TRPC4AP: variants seen among roughly 807,000 people sequenced by gnomAD.
The protein encoded by TRPC4AP is short transient receptor potential channel 4-associated protein.
In TRPC4AP, 45 loss-of-function variants were observed where a neutral mutation model predicts 99.0. That is an observed-to-expected ratio of 0.45 (90% CI 0.36 to 0.58). The LOEUF (loss-of-function observed/expected upper bound fraction) is 0.58. TRPC4AP is among the 20% of genes least tolerant of loss of function. TRPC4AP has a pLI of 0.00. For synonymous variants in TRPC4AP, 408 were observed against 385.8 expected (o/e 1.06, Z -0.67); for missense variants, 879 against 985.3 (o/e 0.89, Z 1.44).
intron 7 of TRPC4AP, 92 bp from the exon 8 acceptor site, chr20:35,035,400 T>A: frequency 7.7e-7 from 1 of 1,292,018 alleles, no homozygotes; most frequent in Non-Finnish European, 1.1e-6. Context: ...ATGATAGGAA[T>A]AATTCTTACT....
At chr20:35,068,971 ACAC>A (rs1400121317) in intron 3 of TRPC4AP, among the ~76,000 whole-genome samples, 9 of 64,642 alleles carry the variant, frequency 1.4e-4, no homozygotes, top group Admixed American at 4.1e-4. Context: ...ACACACACAC[ACAC>A]ACACAAAAAA....
chr20:35,041,658 T>C (rs1179066933), intron 7 of TRPC4AP, among the ~76,000 whole-genome samples: 2 of 152,254 alleles, frequency 1.3e-5, no homozygotes, highest in Non-Finnish European at 2.9e-5. Context: ...ATGCTGGTTT[T>C]ACTTAAGTCA....
At chr20:35,018,909 C>T (rs893703347) in intron 9 of TRPC4AP, among the ~76,000 whole-genome samples, 1 of 152,038 alleles carries the variant, frequency 6.6e-6, no homozygotes, top group African/African-American at 2.4e-5. Context: ...CGATGGGGGA[C>T]GATGGAGCTG....
intron 8 of TRPC4AP, among the ~76,000 whole-genome samples, chr20:35,030,859 A>C (rs1403875138): frequency 6.6e-6 from 1 of 150,780 alleles, no homozygotes; most frequent in Non-Finnish European, 1.5e-5. Context: ...CCTTTACTTA[A>C]GGTGCTCTTT....
chr20:35,078,728 T>C (rs1735421879), intron 1 of TRPC4AP, among the ~76,000 whole-genome samples: 2 of 152,188 alleles, frequency 1.3e-5, no homozygotes, highest in South Asian at 4.1e-4. Flanking sequence ...AACAATATGC[T>C]GTCTACAAGA....
At position 35,024,852 on chromosome 20, in the gene TRPC4AP, A is replaced by AAAAC. The variant is rs2082988293; in HGVS notation, c.1052-3497_1052-3496insGTTT. Among the ~76,000 whole-genome samples the AAAAC allele has an allele frequency of 5.7e-5, 4 of 70,226 alleles. 1 individual carries two copies. The highest frequency in any genetic ancestry group is 1.9e-4 in the African/African-American group (4 of 21,162). The allele number at this position is 70,226 out of a possible 152,430, so 46.1% of individuals were successfully genotyped here. A position where few individuals can be genotyped will look rare whatever the true frequency, so the allele number is the denominator to read the frequency against. ...AAAAAAAAAAAAAAAAAAAAAAAAA[A>AAAAC]AAATTCTGTTTATTCATTAATCAGG... On this transcript the variant is annotated intron_variant, in intron 8 of 18. Coordinates refer to ENST00000252015, the MANE Select transcript of TRPC4AP (RefSeq NM_015638.3).
chr20:35,014,457 G>A (rs571415094), intron 10 of TRPC4AP, among the ~76,000 whole-genome samples: 2 of 151,120 alleles, frequency 1.3e-5, no homozygotes, highest in South Asian at 2.1e-4. Context: ...TACAAAACAC[G>A]AGGCAACACT....
At chr20:35,075,151 G>A (rs1054345243) in intron 2 of TRPC4AP, among the ~76,000 whole-genome samples, 1 of 151,642 alleles carries the variant, frequency 6.6e-6, no homozygotes, top group Non-Finnish European at 1.5e-5. Context: ...GCCTATGTGT[G>A]TCTCTGCATG....
At position 35,003,092 on chromosome 20, in the gene TRPC4AP, C is replaced by T. The variant is rs554330546; in HGVS notation, c.*54G>A. ...GGGAACAGGGCAGGGCGTGTGGCAT[C>T]GTACCCACGCTCACCCACACTGGCC... On this transcript the variant is annotated 3_prime_UTR_variant, in exon 19 of 19. Transcript: ENST00000252015. The T allele has an allele frequency of 7.1e-5, 114 of 1,605,550 alleles. No individual in the cohort carries two copies. Among genetic ancestry groups the T allele is most frequent in the Non-Finnish European group, 9.4e-5 (110 of 1,175,478 alleles).
At chr20:35,035,097 C>CT in intron 8 of TRPC4AP, 26 bp downstream of exon 8, 1 of 1,583,142 alleles carries the variant, frequency 6.3e-7, no homozygotes, top group Non-Finnish European at 8.6e-7. Context: ...AGCTCCCGAT[C>CT]ACTCAGGGGA....
Position 35,003,476 on chromosome 20 carries a change from G to A in TRPC4AP, c.2190C>T (p.His730=), listed in dbSNP as rs1432969038. The A allele has an allele frequency of 2.5e-6, 4 of 1,614,144 alleles. No individual in the cohort carries two copies. Among genetic ancestry groups the A allele is most frequent in the Non-Finnish European group, 3.4e-6 (4 of 1,180,036 alleles). Residue 730 remains histidine, a synonymous_variant, in exon 18 of 19, where the codon CAC becomes CAT. Transcript: ENST00000252015. ...KYPGFLLNNF[H]NLLRFWQQHY... ...GCTGCTGCCAGAAGCGCAGCAGGTT[G>A]TGGAAGTTGTTGAGCAGGAAGCCGG...
At chr20:35,075,600 G>A (rs541170109) in intron 2 of TRPC4AP, among the ~76,000 whole-genome samples, 1 of 152,270 alleles carries the variant, frequency 6.6e-6, no homozygotes, top group South Asian at 2.1e-4. Flanking sequence ...CTCTCTTCTG[G>A]CTTGTAGAGT....
In TRPC4AP at chr20:35,006,756, C is replaced by T. The variant is rs573873959; in HGVS notation, c.1687-181G>A. 3.3e-5 allele frequency among the ~76,000 whole-genome samples: 5 copies of T among 152,354 alleles called. No individual in the cohort carries two copies. The South Asian group carries it at 1.0e-3, about 32-fold the overall frequency. On this transcript the variant is annotated intron_variant, in intron 14 of 18. Transcript: ENST00000252015. ...GGACAGGACCAGGCCTGACAGACCT[C>T]ACCAGGAGGTGGAGCAGACTGGGAA...
chr20:35,059,697 AAAGAAGAAGAAAT>A (rs2083931477), intron 3 of TRPC4AP, among the ~76,000 whole-genome samples: 1 of 145,220 alleles, frequency 6.9e-6, no homozygotes, highest in Non-Finnish European at 1.5e-5. Flanking sequence ...GAAGAAGAAG[AAAGAAGAAGAAAT>A]AAGAAGAAGA....
chr20:35,016,286 T>C (rs1364879925), intron 9 of TRPC4AP, 147 bp from the exon 10 acceptor site: 1 of 909,932 alleles, frequency 1.1e-6, no homozygotes, highest in Admixed American at 2.3e-5. Context: ...AAAACATCCG[T>C]GTATCCCCTA....
chr20:35,035,115 T>C lies in TRPC4AP; in HGVS notation c.1051+8A>G, dbSNP rs1173140683. ...TCCCGATCACTCAGGGGACCCATCC[T>C]TCCATACCTTGATTGTGCTCTGACT... On this transcript the variant is annotated splice_region_variant and intron_variant, in intron 8 of 18. Transcript: ENST00000252015. 2 of 1,611,760 alleles carry C rather than the reference T, an allele frequency of 1.2e-6. No homozygotes were observed. Among genetic ancestry groups the C allele is most frequent in the African/African-American group, 2.7e-5 (2 of 75,006 alleles).
intron 2 of TRPC4AP, among the ~76,000 whole-genome samples, chr20:35,076,384 T>C (rs2146010945): frequency 6.6e-6 from 1 of 152,334 alleles, no homozygotes; most frequent in Middle Eastern, 3.4e-3. Context: ...TTTCTCCCTA[T>C]CTTTGTGGTT....
chr20:35,044,680 C>G lies in TRPC4AP; in HGVS notation c.690G>C (p.Leu230=), dbSNP rs748971706. Residue 230 remains leucine (L), a synonymous_variant, in exon 7 of 19, where the codon CTG becomes CTC. Transcript: ENST00000252015. ...EMIRLDEVPN[L]SSLVSNFDQQ... is the part of the protein sequence containing the mutation. ...GATCGAAATTGGATACTAAGGAACT[C>G]AGATTGGGGACTTCATCTAGTCGGA... 6.2e-7 allele frequency: 1 copy of G among 1,614,180 alleles called. No homozygotes were observed. Among genetic ancestry groups the G allele is most frequent in the Admixed American group, 1.7e-5 (1 of 60,024 alleles).
chr20:35,013,451 G>A (rs192866513), intron 10 of TRPC4AP, among the ~76,000 whole-genome samples: 57 of 152,158 alleles, frequency 3.7e-4, no homozygotes, highest in South Asian at 3.7e-3. Flanking sequence ...TAGTTGCTGC[G>A]CCTGTAATTC....
Sources: gnomAD v4.1 joint callset for allele counts (sites outside exome capture counted in the v4.1 genomes callset) on GRCh38, gnomAD v4.1.1 for gene constraint, MANE v1.5 for transcripts, NCBI Gene and HGNC (gene_info 2026-07-23, HGNC 2026-07-21) for gene names.